Variants in GUCY2C observed in about 807,000 individuals in gnomAD.
GUCY2C encodes the protein guanylyl cyclase C.
GUCY2C carries 118 observed loss-of-function variants against 131.1 expected under a neutral mutation model. The ratio of observed to expected loss-of-function variants is 0.90; its 90% CI spans 0.78 to 1.05. The LOEUF (loss-of-function observed/expected upper bound fraction) is 1.05. Ranked by LOEUF, GUCY2C falls within the 50% of genes least tolerant of loss-of-function variation. The pLI, the probability that GUCY2C is intolerant of heterozygous loss-of-function variation, is 0.00. For missense variants in GUCY2C, 1,161 were observed against 1,304.4 expected (o/e 0.89, Z 1.69); for synonymous variants, 452 against 457.8 (o/e 0.99, Z 0.16).
intron 8 of GUCY2C, 137 bp downstream of exon 8, chr12:14,674,488 G>T: frequency 1.2e-6 from 1 of 819,834 alleles, no homozygotes; most frequent in Non-Finnish European, 2.1e-6. Flanking sequence ...TTTATGTAAT[G>T]ATGTTTGCAT....
intron 17 of GUCY2C, 78 bp downstream of exon 17, chr12:14,643,496 A>G: frequency 2.2e-6 from 3 of 1,339,622 alleles, no homozygotes; most frequent in Non-Finnish European, 3.2e-6. Flanking sequence ...GATCAGTATT[A>G]CAATTTCCTG....
intron 10 of GUCY2C, among the ~76,000 whole-genome samples, chr12:14,661,670 C>T (rs1483170305): frequency 1.3e-5 from 2 of 152,078 alleles, no homozygotes; most frequent in African/African-American, 4.8e-5. Context: ...CGGCCTCAAG[C>T]GATCCGCCAA....
chr12:14,648,207 G>A (rs143841763), intron 15 of GUCY2C, among the ~76,000 whole-genome samples: 3,608 of 151,278 alleles, frequency 0.024, 147 homozygotes, highest in African/African-American at 0.084. Context: ...TGTCCCACCC[G>A]CCTCTGCCTC....
chr12:14,667,650 G>A lies in GUCY2C; in HGVS notation c.1282+2072C>T, dbSNP rs187245686. Among the ~76,000 whole-genome samples the A allele has an allele frequency of 3.9e-5, 6 of 152,106 alleles. No homozygotes were observed. The South Asian group carries it at 6.2e-4, about 16-fold the overall frequency. ...TTTTCAGAGTTTCTGGCTGTAGAGC[G>A]GGGCTGGTATAAAAATATTTGTAGC... On this transcript the variant is annotated intron_variant, in intron 10 of 26. Transcript: ENST00000261170.
chr12:14,666,427 C>CT (rs201508548), intron 10 of GUCY2C, among the ~76,000 whole-genome samples: 2,101 of 152,248 alleles, frequency 0.014, 50 homozygotes, highest in African/African-American at 0.047. Context: ...GGTTTGGAGA[C>CT]TGTTTTCAAT....
At position 14,628,713 on chromosome 12, in the gene GUCY2C, A is replaced by C. The variant is rs1251788261; in HGVS notation, c.2182T>G (p.Trp728Gly). Residue 728 changes from tryptophan (W) to glycine (G), a missense_variant, in exon 20 of 27, where the codon TGG becomes GGG. By Grantham distance (184) the Trp-to-Gly change is radical (BLOSUM62 -2). Transcript: ENST00000261170. ...GGTCTCTTTTCTGGATCTTCCTCCC[A>C]ACAGTTTTTTACAAGTAGGTACACC... is the stretch of plus-strand genomic sequence containing the variant. Reference protein sequence around the residue: ...LEVYLLVKNCWEEDPEKRPDF... With the variant: ...LEVYLLVKNCGEEDPEKRPDF... 1 of 1,598,716 alleles carries C rather than the reference A, an allele frequency of 6.3e-7. No homozygotes were observed. Among genetic ancestry groups the C allele is most frequent in the African/African-American group, 1.3e-5 (1 of 74,086 alleles).
chr12:14,665,442 G>C (rs1319598337), intron 10 of GUCY2C, among the ~76,000 whole-genome samples: 1 of 152,102 alleles, frequency 6.6e-6, no homozygotes, highest in Non-Finnish European at 1.5e-5. Flanking sequence ...GGGAGATTAC[G>C]GGCACTTTGT....
intron 11 of GUCY2C, among the ~76,000 whole-genome samples, chr12:14,657,917 T>C (rs1397914100): frequency 6.6e-6 from 1 of 152,208 alleles, no homozygotes; most frequent in East Asian, 1.9e-4. Context: ...TATCAATTAA[T>C]TTACCTTCTT....
At chr12:14,669,692 G>A in intron 10 of GUCY2C, 30 bp downstream of exon 10, 1 of 1,079,408 alleles carries the variant, frequency 9.3e-7, no homozygotes, top group Non-Finnish European at 1.4e-6. Context: ...AACAGTGTCA[G>A]GGAGAGAAAA....
At chr12:14,657,466 C>T (rs940437172) in intron 11 of GUCY2C, among the ~76,000 whole-genome samples, 3 of 151,578 alleles carry the variant, frequency 2.0e-5, no homozygotes, top group East Asian at 1.9e-4. Flanking sequence ...CAGATAGTAT[C>T]GGTCCCCAGA....
intron 25 of GUCY2C, among the ~76,000 whole-genome samples, chr12:14,616,193 C>T (rs768492881): frequency 9.9e-5 from 15 of 152,092 alleles, no homozygotes; most frequent in Non-Finnish European, 1.9e-4. Flanking sequence ...TGGGGCCACA[C>T]CTTGTCATTC....
Position 14,683,120 on chromosome 12 carries a change from T to C in GUCY2C, c.533A>G (p.Asn178Ser). The change falls in exon 4 of 27, where the codon AAC becomes AGC. Residue 178 changes from asparagine to serine, a missense_variant. By Grantham distance (46) the Asn-to-Ser change is conservative. Transcript: ENST00000261170. The part of the protein sequence containing the change: ...MYFLVNFWKT[N>S]DLPFKTYSWS... Reference sequence around the variant, plus strand: ...GGAATAAGTTTTGAAGGGCAGATCGTTGGTTTTCCAAAAGTTAACCAAGAA... The same window carrying C: ...GGAATAAGTTTTGAAGGGCAGATCGCTGGTTTTCCAAAAGTTAACCAAGAA... The C allele has an allele frequency of 6.2e-7, 1 of 1,613,772 alleles. No homozygotes were observed. Among genetic ancestry groups the C allele is most frequent in the Non-Finnish European group, 8.5e-7 (1 of 1,179,710 alleles).
intron 19 of GUCY2C, among the ~76,000 whole-genome samples, chr12:14,632,695 G>T (rs951608304): frequency 2.6e-5 from 4 of 152,174 alleles, no homozygotes; most frequent in African/African-American, 7.2e-5. Context: ...GCCTACTGAA[G>T]CCAGTGCCTG....
chr12:14,676,493 T>A (rs1030886879), intron 7 of GUCY2C, among the ~76,000 whole-genome samples: 2 of 152,220 alleles, frequency 1.3e-5, no homozygotes, highest in Non-Finnish European at 2.9e-5. Flanking sequence ...CAGTAACCCT[T>A]GCTTTATTTT....
At chr12:14,677,179 C>T (rs1305668519) in intron 6 of GUCY2C, among the ~76,000 whole-genome samples, 1 of 152,160 alleles carries the variant, frequency 6.6e-6, no homozygotes, top group East Asian at 1.9e-4. Context: ...TTGTGGTTAA[C>T]ATACACAAAA....
chr12:14,661,174 A>T lies in GUCY2C; in HGVS notation c.1283-112T>A, dbSNP rs1008208657. On this transcript the variant is annotated intron_variant, in intron 10 of 26. Coordinates refer to ENST00000261170, the MANE Select transcript of GUCY2C (RefSeq NM_004963.4). ...AGGGAAAAGAGAACCCTTTAAAAAA[A>T]TTTATTTTTTATTAATTTCTCTCTG... 3.0e-5 allele frequency: 20 copies of T among 673,898 alleles called. No individual in the cohort carries two copies. In the East Asian group the frequency reaches 3.6e-4, roughly 12 times the overall value. The allele number at this position is 673,898 out of a possible 1,614,324, so 41.7% of individuals were successfully genotyped here. A position where few individuals can be genotyped will look rare whatever the true frequency, so the allele number is the denominator to read the frequency against.
At chr12:14,679,328 AG>A (rs2137086569) in intron 6 of GUCY2C, among the ~76,000 whole-genome samples, 2 of 152,198 alleles carry the variant, frequency 1.3e-5, no homozygotes, top group South Asian at 4.2e-4. Context: ...GGTCTCCCAA[AG>A]TGCTGGGATT....
intron 19 of GUCY2C, among the ~76,000 whole-genome samples, chr12:14,633,567 T>C (rs1378360437): frequency 6.6e-6 from 1 of 151,514 alleles, no homozygotes; most frequent in Non-Finnish European, 1.5e-5. Flanking sequence ...CAATTTCCAA[T>C]GAAAAGGAAA....
intron 10 of GUCY2C, among the ~76,000 whole-genome samples, chr12:14,661,421 T>C (rs1947864379): frequency 6.6e-6 from 1 of 152,086 alleles, no homozygotes; most frequent in Admixed American, 6.5e-5. Flanking sequence ...TAAGAAGGGT[T>C]CATAGAGGAT....
Sources: allele counts gnomAD v4.1 joint callset (sites outside exome capture counted in the v4.1 genomes callset), GRCh38; gene constraint gnomAD v4.1.1; transcripts MANE v1.5; gene names NCBI Gene and HGNC (gene_info 2026-07-23, HGNC 2026-07-21).